MAMDC2: variants seen among roughly 807,000 people sequenced by gnomAD.
MAMDC2 encodes MAM domain containing 2.
Under a neutral mutation model 89.8 loss-of-function variants are expected in MAMDC2, and 57 were observed. The ratio of observed to expected loss-of-function variants is 0.63; its 90% confidence interval spans 0.51 to 0.79. The LOEUF is 0.79. Ranked by LOEUF, MAMDC2 falls within the 30% of genes least tolerant of loss-of-function variation. The pLI is 0.00. For synonymous variants in MAMDC2, 313 were observed against 293.4 expected (o/e 1.07, Z -0.68); for missense variants, 800 against 820.6 (o/e 0.97, Z 0.31).
At chr9:70,126,975 G>A (rs982783087) in intron 6 of MAMDC2, among the ~76,000 whole-genome samples, 2 of 152,108 alleles carry the variant, frequency 1.3e-5, no homozygotes, top group African/African-American at 2.4e-5. Context: ...TTATATAAGT[G>A]ACGTGTTCAA....
chr9:70,174,154 G>A (rs1313224271), intron 11 of MAMDC2, among the ~76,000 whole-genome samples: 1 of 152,062 alleles, frequency 6.6e-6, no homozygotes, highest in African/African-American at 2.4e-5. Flanking sequence ...AATAAGACCT[G>A]GCATATGACA....
intron 5 of MAMDC2, among the ~76,000 whole-genome samples, chr9:70,118,297 A>AACACACACACAC (rs6151026): frequency 0.026 from 3,639 of 140,274 alleles, 112 homozygotes; most frequent in African/African-American, 0.032. Context: ...ATCCCCACTC[A>AACACACACACAC]ACACACACAC....
At chr9:70,127,258 A>G (rs1350707426) in intron 6 of MAMDC2, among the ~76,000 whole-genome samples, 1 of 152,146 alleles carries the variant, frequency 6.6e-6, no homozygotes, top group East Asian at 1.9e-4. Flanking sequence ...ATTTTTTTCT[A>G]GGTCACACAG....
chr9:70,124,667 C>T (rs1238460179), intron 5 of MAMDC2, among the ~76,000 whole-genome samples: 1 of 152,192 alleles, frequency 6.6e-6, no homozygotes, highest in African/African-American at 2.4e-5. Flanking sequence ...ATATTTGTTT[C>T]TGCTCTGCTC....
At position 70,108,368 on chromosome 9, in the gene MAMDC2, C is replaced by G. The variant is rs1280942616; in HGVS notation, c.306C>G (p.Leu102=). ...TGTCAGATCCCAGCCAGCTGAACCT[C>G]TACATGAGATTTGAAGATGAAAGCT... is the stretch of plus-strand genomic sequence containing the variant. ...ESLSDPSQLN[L]YMRFEDESFD... The change falls in exon 3 of 14, where the codon CTC becomes CTG. Residue 102 remains leucine, a synonymous_variant. Coordinates refer to ENST00000377182, the MANE Select transcript of MAMDC2 (RefSeq NM_153267.5). 2.5e-6 allele frequency: 4 copies of G among 1,613,936 alleles called. No homozygotes were observed. The highest frequency in any genetic ancestry group is 3.4e-6 in the Non-Finnish European group (4 of 1,179,968).
intron 11 of MAMDC2, among the ~76,000 whole-genome samples, chr9:70,198,537 C>T (rs189187271): frequency 6.6e-6 from 1 of 151,994 alleles, no homozygotes; most frequent in East Asian, 1.9e-4. Flanking sequence ...GAGAAAATGT[C>T]TTCAACTATT....
At chr9:70,089,478 G>C (rs905528842) in intron 2 of MAMDC2, among the ~76,000 whole-genome samples, 3 of 152,158 alleles carry the variant, frequency 2.0e-5, no homozygotes, top group Admixed American at 6.6e-5. Context: ...GAGCTGTTCA[G>C]TGTGCACTCT....
At chr9:70,115,066 T>C (rs1043665690) in intron 5 of MAMDC2, among the ~76,000 whole-genome samples, 3 of 152,160 alleles carry the variant, frequency 2.0e-5, no homozygotes, top group African/African-American at 7.2e-5. Context: ...CTAAAATGCC[T>C]GGAATGCCAG....
chr9:70,088,816 A>C, intron 2 of MAMDC2: 1 of 152,070 alleles, frequency 6.6e-6, no homozygotes, highest in African/African-American at 2.4e-5. Context: ...AAACCCCAAA[A>C]GTGGTACATG....
chr9:70,212,089 G>A (rs1191933580), intron 11 of MAMDC2, among the ~76,000 whole-genome samples: 1 of 152,234 alleles, frequency 6.6e-6, no homozygotes, highest in East Asian at 1.9e-4. Context: ...ACCCACTTGA[G>A]GAGGCAGTCT....
chr9:70,063,863 T>G (rs1298520042), intron 2 of MAMDC2, among the ~76,000 whole-genome samples: 1 of 152,188 alleles, frequency 6.6e-6, no homozygotes, highest in Non-Finnish European at 1.5e-5. Flanking sequence ...TGTTTTTAAA[T>G]ATTGCATCTG....
intron 11 of MAMDC2, among the ~76,000 whole-genome samples, chr9:70,215,264 T>TTATTGATGG (rs2033422880): frequency 6.6e-6 from 1 of 151,520 alleles, no homozygotes; most frequent in Non-Finnish European, 1.5e-5. Flanking sequence ...ATGTCCAATG[T>TTATTGATGG]TACAAAAATG....
At chr9:70,212,241 G>T (rs1294876157) in intron 11 of MAMDC2, among the ~76,000 whole-genome samples, 1 of 152,208 alleles carries the variant, frequency 6.6e-6, no homozygotes, top group Non-Finnish European at 1.5e-5. Flanking sequence ...GTCTACAGAG[G>T]CAGGCAGGCC....
chr9:70,137,895 C>G (rs1038174778), intron 7 of MAMDC2, among the ~76,000 whole-genome samples: 7 of 152,118 alleles, frequency 4.6e-5, no homozygotes, highest in South Asian at 2.1e-4. Flanking sequence ...AAGTTATTCT[C>G]AAAAGAGCAG....
At chr9:70,202,992 A>T (rs1336827467) in intron 11 of MAMDC2, among the ~76,000 whole-genome samples, 1 of 151,792 alleles carries the variant, frequency 6.6e-6, no homozygotes, top group Non-Finnish European at 1.5e-5. Flanking sequence ...ACACTGATGG[A>T]TCTTGACTCT....
In MAMDC2 at chr9:70,149,494, T is replaced by C. The variant is rs56210906; in HGVS notation, c.1404+5675T>C. 3.6e-3 allele frequency among the ~76,000 whole-genome samples: 551 copies of C among 152,262 alleles called. 3 individuals are homozygous for C. The highest frequency in any genetic ancestry group is 0.012 in the African/African-American group (505 of 41,556). ...AGAGTTGTCCTGTTTCAGAGCAATG[T>C]TGTCTTTATAGTCCCATATTGATTG... On this transcript the variant is annotated intron_variant, in intron 9 of 13. Coordinates refer to ENST00000377182, the MANE Select transcript of MAMDC2 (RefSeq NM_153267.5).
At chr9:70,166,138 G>A (rs888009921) in intron 9 of MAMDC2, among the ~76,000 whole-genome samples, 3 of 151,958 alleles carry the variant, frequency 2.0e-5, no homozygotes, top group African/African-American at 7.3e-5. Flanking sequence ...TTACTCGGGA[G>A]GCTGAGGCAG....
intron 12 of MAMDC2, among the ~76,000 whole-genome samples, chr9:70,223,113 TGA>T (rs990940845): frequency 1.5e-5 from 2 of 136,616 alleles, no homozygotes; most frequent in Non-Finnish European, 3.0e-5. Context: ...CACTCCAGCT[TGA>T]GAGCAAGACT....
intron 9 of MAMDC2, among the ~76,000 whole-genome samples, chr9:70,164,900 A>G (rs1210138209): frequency 6.6e-6 from 1 of 151,452 alleles, no homozygotes. Flanking sequence ...TCAGCCTCCC[A>G]AAGTGCTGGG....
Sources: gnomAD v4.1 joint callset for allele counts (sites outside exome capture counted in the v4.1 genomes callset) on GRCh38, gnomAD v4.1.1 for gene constraint, MANE v1.5 for transcripts, NCBI Gene and HGNC (gene_info 2026-07-23, HGNC 2026-07-21) for gene names.